RABEP1: variants seen among roughly 807,000 people sequenced by gnomAD.
The protein encoded by RABEP1 is rab GTPase-binding effector protein 1.
Under a neutral mutation model 123.4 loss-of-function variants are expected in RABEP1, and 51 were observed. The observed-to-expected ratio is 0.41, with a 90% CI of 0.33 to 0.52. RABEP1 has a LOEUF of 0.52. Among genes scored for constraint, RABEP1 ranks in the 20% least tolerant of loss-of-function variants. The pLI is 0.16. For missense variants in RABEP1, 888 were observed against 996.3 expected (o/e 0.89, Z 1.46); for synonymous variants, 347 against 355.2 (o/e 0.98, Z 0.26).
intron 1 of RABEP1, among the ~76,000 whole-genome samples, chr17:5,306,610 A>G (rs1350352611): frequency 6.8e-6 from 1 of 147,936 alleles, no homozygotes; most frequent in Non-Finnish European, 1.5e-5. Context: ...CCTGGGTGAC[A>G]GAGTGAGACT....
chr17:5,335,100 T>G, intron 3 of RABEP1, 84 bp from the exon 4 acceptor site: 1 of 1,208,600 alleles, frequency 8.3e-7, no homozygotes, highest in Non-Finnish European at 1.1e-6. Context: ...CGTAAGCTTT[T>G]TATATAACTT....
rs969157098 is a variant in RABEP1 at position 5,383,293 on chromosome 17, A to G, written c.*70A>G. 8.4e-7 allele frequency: 1 copy of G among 1,195,790 alleles called. No individual in the cohort carries two copies. The highest frequency in any genetic ancestry group is 1.2e-6 in the Non-Finnish European group (1 of 808,326). The allele number at this position is 1,195,790 out of a possible 1,614,324, so 74.1% of individuals were successfully genotyped here. A position where few individuals can be genotyped will look rare whatever the true frequency, so the allele number is the denominator to read the frequency against. ...CATCTTTAGAGCAACAGTAATTATT[A>G]TTTAACTCTTAACTGAAGAAAGAGA... On this transcript the variant is annotated 3_prime_UTR_variant, in exon 18 of 18. Transcript: ENST00000537505.
intron 2 of RABEP1, among the ~76,000 whole-genome samples, chr17:5,309,531 T>C (rs1255651459): frequency 6.6e-6 from 1 of 151,796 alleles, no homozygotes; most frequent in East Asian, 1.9e-4. Flanking sequence ...CGCATGCCTG[T>C]AATCCCAGCT....
Position 5,373,203 on chromosome 17 carries a change from A to AC in RABEP1, c.1885-107dup. 3 of 962,774 alleles carry AC rather than the reference A, an allele frequency of 3.1e-6. 1 individual carries two copies. The highest frequency in any genetic ancestry group is 4.5e-5 in the South Asian group (2 of 44,840). The allele number at this position is 962,774 out of a possible 1,614,324, so 59.6% of individuals were successfully genotyped here. A position where few individuals can be genotyped will look rare whatever the true frequency, so the allele number is the denominator to read the frequency against. ...TCTAAGTCTAGCAGAACTTCACCATACCCCGTCCATCCTCAGCACTCCTTT... is the reference window on the plus strand; with the variant it reads ...TCTAAGTCTAGCAGAACTTCACCATACCCCCGTCCATCCTCAGCACTCCTTT... On this transcript the variant is annotated intron_variant, in intron 12 of 17. Transcript: ENST00000537505.
chr17:5,312,199 T>C (rs1189732544), intron 2 of RABEP1, among the ~76,000 whole-genome samples: 1 of 152,178 alleles, frequency 6.6e-6, no homozygotes, highest in Non-Finnish European at 1.5e-5. Context: ...CAGGCTGGAG[T>C]GCAGTGGCAC....
At chr17:5,298,583 G>A (rs1184432945) in intron 1 of RABEP1, among the ~76,000 whole-genome samples, 1 of 151,862 alleles carries the variant, frequency 6.6e-6, no homozygotes, top group Non-Finnish European at 1.5e-5. Context: ...TTAGTATGTA[G>A]AGTCACCACC....
At chr17:5,344,368 A>G (rs1232159781) in intron 5 of RABEP1, among the ~76,000 whole-genome samples, 1 of 149,834 alleles carries the variant, frequency 6.7e-6, no homozygotes, top group African/African-American at 2.5e-5. Flanking sequence ...AACCCGGGAG[A>G]TGGAGGCTGC....
chr17:5,286,067 C>A (rs2074974551), intron 1 of RABEP1, among the ~76,000 whole-genome samples: 1 of 152,086 alleles, frequency 6.6e-6, no homozygotes, highest in African/African-American at 2.4e-5. Context: ...AATTTTAATA[C>A]CTGTTGCTAG....
At chr17:5,334,733 T>TA (rs1168773903) in intron 3 of RABEP1, among the ~76,000 whole-genome samples, 6 of 152,194 alleles carry the variant, frequency 3.9e-5, no homozygotes, top group African/African-American at 7.2e-5. Context: ...TGCCTCAACT[T>TA]ACAATCTTGG....
chr17:5,288,967 A>G (rs920393287), intron 1 of RABEP1, among the ~76,000 whole-genome samples: 3 of 152,082 alleles, frequency 2.0e-5, no homozygotes, highest in African/African-American at 2.4e-5. Flanking sequence ...TGGCCTCCCA[A>G]AGTGCTGGGA....
chr17:5,311,124 A>C (rs2075235795), intron 2 of RABEP1, among the ~76,000 whole-genome samples: 1 of 151,944 alleles, frequency 6.6e-6, no homozygotes, highest in African/African-American at 2.4e-5. Flanking sequence ...TGTGCATTTG[A>C]ATTACCTAAT....
chr17:5,286,946 A>G (rs570182870), intron 1 of RABEP1, among the ~76,000 whole-genome samples: 21 of 152,328 alleles, frequency 1.4e-4, no homozygotes, highest in African/African-American at 5.1e-4. Context: ...GACTTGAAGT[A>G]GATAGAGGAG....
chr17:5,380,889 G>C (rs1371241241), intron 16 of RABEP1, among the ~76,000 whole-genome samples: 1 of 152,250 alleles, frequency 6.6e-6, no homozygotes, highest in African/African-American at 2.4e-5. Flanking sequence ...GTCTTAGTGA[G>C]CTGAGTGGTC....
At position 5,336,880 on chromosome 17, in the gene RABEP1, G is replaced by C. The variant is rs369232663; in HGVS notation, c.529-1139G>C. On this transcript the variant is annotated intron_variant, in intron 4 of 17. Transcript: ENST00000537505. ...AGTGAATCTGAACCTGTTTTTTGAG[G>C]GGTATGTTATTTGGGGAAAATCCCC... 1.2e-4 allele frequency among the ~76,000 whole-genome samples: 19 copies of C among 152,164 alleles called. No homozygotes were observed. The East Asian group carries it at 3.3e-3, about 26-fold the overall frequency.
intron 8 of RABEP1, 133 bp downstream of exon 8, chr17:5,354,623 A>C: frequency 1.3e-6 from 1 of 779,130 alleles, no homozygotes; most frequent in Non-Finnish European, 1.9e-6. Context: ...TTAGATAAAA[A>C]TGACAGTATT....
In RABEP1 at chr17:5,380,601, G is replaced by GA. The variant is rs932547573; in HGVS notation, c.2370+145dup. The GA allele has an allele frequency of 8.7e-5, 66 of 759,560 alleles. No homozygotes were observed. The African/African-American group carries it at 1.0e-3, about 12-fold the overall frequency. The allele number at this position is 759,560 out of a possible 1,614,324, so 47.1% of individuals were successfully genotyped here. A position where few individuals can be genotyped will look rare whatever the true frequency, so the allele number is the denominator to read the frequency against. ...TGGCAAAACTGACAGCTTGTGAAAA[G>GA]AAAAAACTTAAACGAATTGATCTAT... On this transcript the variant is annotated intron_variant, in intron 16 of 17. Transcript: ENST00000537505.
rs1911786023 is a variant in RABEP1, at chr17:5,384,593, T to C, written c.*1370T>C. ...TTGTCTTTGTTATAAATGAGGTCAC[T>C]ATGGACTTACCCTAAAGATCTTCTG... On this transcript the variant is annotated 3_prime_UTR_variant, in exon 18 of 18. Transcript: ENST00000537505. 2 of 215,704 alleles carry C rather than the reference T, an allele frequency of 9.3e-6. No homozygotes were observed. The highest frequency in any genetic ancestry group is 1.9e-5 in the Non-Finnish European group (2 of 107,366). The allele number at this position is 215,704 out of a possible 1,614,324, so 13.4% of individuals were successfully genotyped here.
At chr17:5,282,820 C>T (rs532941880) in intron 1 of RABEP1, among the ~76,000 whole-genome samples, 15 of 150,784 alleles carry the variant, frequency 9.9e-5, no homozygotes, top group Non-Finnish European at 2.1e-4. Context: ...TTCTGGGTAG[C>T]GGGGGACCGG....
At chr17:5,325,026 G>A (rs1905830011) in intron 2 of RABEP1, among the ~76,000 whole-genome samples, 1 of 152,108 alleles carries the variant, frequency 6.6e-6, no homozygotes, top group Admixed American at 6.5e-5. Flanking sequence ...CAAAAGAAAT[G>A]AAATCGCTGG....
Sources: gnomAD v4.1 joint callset for allele counts (sites outside exome capture counted in the v4.1 genomes callset) on GRCh38, gnomAD v4.1.1 for gene constraint, MANE v1.5 for transcripts, NCBI Gene and HGNC (gene_info 2026-07-23, HGNC 2026-07-21) for gene names.